VAC14: variants seen among roughly 807,000 people sequenced by gnomAD.
VAC14 encodes protein VAC14 homolog.
Under a neutral mutation model 85.3 loss-of-function variants are expected in VAC14, and 47 were observed. The observed-to-expected ratio is 0.55, with a 90% CI of 0.44 to 0.70. VAC14 has a LOEUF of 0.70. Among genes scored for constraint, VAC14 ranks in the 30% least tolerant of loss-of-function variants. VAC14 has a pLI of 0.00. For missense variants in VAC14, 861 were observed against 1,004.3 expected (o/e 0.86, Z 1.93); for synonymous variants, 447 against 430.5 (o/e 1.04, Z -0.47).
At chr16:70,688,705 G>A (rs1348176263) in intron 18 of VAC14, 11 of 985,466 alleles carry the variant, frequency 1.1e-5, no homozygotes, top group Non-Finnish European at 1.2e-5. Flanking sequence ...CAGTTGCTCT[G>A]TACAGCAACA....
intron 1 of VAC14, among the ~76,000 whole-genome samples, chr16:70,795,841 G>A (rs1442008223): frequency 6.6e-6 from 1 of 152,164 alleles, no homozygotes; most frequent in Non-Finnish European, 1.5e-5. Context: ...TCAAAGCTCA[G>A]GACCACTAGA....
At chr16:70,799,996 T>C (rs2034701413) in intron 1 of VAC14, among the ~76,000 whole-genome samples, 1 of 152,238 alleles carries the variant, frequency 6.6e-6, no homozygotes, top group African/African-American at 2.4e-5. Context: ...ATTCACCTTT[T>C]CTGACTCGCA....
intron 14 of VAC14, 132 bp from the exon 15 acceptor site, chr16:70,698,943 T>C (rs2053767689): frequency 1.8e-6 from 1 of 552,552 alleles, no homozygotes; most frequent in Non-Finnish European, 3.0e-6. Context: ...TGTGGAGCCA[T>C]GACTCTGAGG....
intron 16 of VAC14, 31 bp from the exon 17 acceptor site, chr16:70,695,654 C>T: frequency 6.2e-7 from 1 of 1,606,442 alleles, no homozygotes; most frequent in South Asian, 1.1e-5. Context: ...AGTCTGTCTG[C>T]TGGGCCAGCA....
At chr16:70,767,463 T>C (rs955289409) in intron 10 of VAC14, among the ~76,000 whole-genome samples, 28 of 152,378 alleles carry the variant, frequency 1.8e-4, no homozygotes, top group Non-Finnish European at 5.9e-5. Flanking sequence ...TCTAGAACTT[T>C]CTGCCTGCTT....
chr16:70,771,993 A>G, intron 10 of VAC14, 116 bp downstream of exon 10: 2 of 950,248 alleles, frequency 2.1e-6, no homozygotes, highest in Non-Finnish European at 1.6e-6. Context: ...AGGGTGTCCC[A>G]AAAGCAGCAG....
intron 15 of VAC14, among the ~76,000 whole-genome samples, chr16:70,697,972 G>A (rs2053747680): frequency 7.9e-6 from 1 of 127,052 alleles, no homozygotes; most frequent in African/African-American, 2.8e-5. Context: ...GTCCCCGCAC[G>A]GCCTCTGCAG....
chr16:70,712,090 G>A (rs904060768), intron 14 of VAC14, among the ~76,000 whole-genome samples: 2 of 151,806 alleles, frequency 1.3e-5, no homozygotes, highest in Non-Finnish European at 2.9e-5. Flanking sequence ...ACCCCCTCCC[G>A]GGAGGCTGAA....
At chr16:70,704,772 GT>G in intron 14 of VAC14, among the ~76,000 whole-genome samples, 1 of 152,342 alleles carries the variant, frequency 6.6e-6, no homozygotes. Context: ...CCTTCGCCAG[GT>G]GTCTGTAGGA....
At chr16:70,724,355 C>A (rs1052663941) in intron 14 of VAC14, among the ~76,000 whole-genome samples, 1 of 152,216 alleles carries the variant, frequency 6.6e-6, no homozygotes, top group Non-Finnish European at 1.5e-5. Flanking sequence ...TCTGGGTCAA[C>A]AGGGAACAAC....
At chr16:70,730,592 G>A (rs1377136336) in intron 14 of VAC14, among the ~76,000 whole-genome samples, 1 of 144,018 alleles carries the variant, frequency 6.9e-6, no homozygotes, top group Non-Finnish European at 1.5e-5. Context: ...GGGAGGCCCA[G>A]GCTTTTTTTT....
chr16:70,793,371 G>A (rs2034417124), intron 1 of VAC14, among the ~76,000 whole-genome samples: 1 of 152,180 alleles, frequency 6.6e-6, no homozygotes, highest in South Asian at 2.1e-4. Context: ...ACTGAGTTAA[G>A]TACCATTACA....
intron 10 of VAC14, chr16:70,768,453 T>C (rs2032975750): frequency 5.3e-6 from 1 of 188,404 alleles, no homozygotes; most frequent in Admixed American, 5.6e-5. Flanking sequence ...ACCGGGTTCC[T>C]TCACGTTCCA....
At chr16:70,796,508 G>GA (rs1191154470) in intron 1 of VAC14, among the ~76,000 whole-genome samples, 1 of 152,154 alleles carries the variant, frequency 6.6e-6, no homozygotes, top group African/African-American at 2.4e-5. Flanking sequence ...ATGCAGTGGG[G>GA]ACGTCTTCTG....
chr16:70,689,835 C>G, intron 18 of VAC14: 1 of 985,466 alleles, frequency 1.0e-6, no homozygotes, highest in Non-Finnish European at 1.2e-6. Flanking sequence ...ACCTTGGGAA[C>G]CAGGTGCCAC....
chr16:70,786,448 G>A (rs927516506), intron 1 of VAC14, 83 bp from the exon 2 acceptor site: 13 of 1,544,494 alleles, frequency 8.4e-6, no homozygotes, highest in Non-Finnish European at 1.1e-5. Flanking sequence ...ATGAGGAAGG[G>A]AGATGACCTG....
At chr16:70,690,428 G>A (rs1365647626) in intron 18 of VAC14, 4 of 985,510 alleles carry the variant, frequency 4.1e-6, no homozygotes, top group Non-Finnish European at 1.2e-6. Flanking sequence ...AGTGTGGCAA[G>A]TCCAGGACTC....
In VAC14 at chr16:70,786,245, G is replaced by C; in HGVS notation, c.225C>G (p.Gly75=). 1 of 1,614,238 alleles carries C rather than the reference G, an allele frequency of 6.2e-7. No individual in the cohort carries two copies. Among genetic ancestry groups the C allele is most frequent in the Non-Finnish European group, 8.5e-7 (1 of 1,180,030 alleles). Residue 75 remains glycine, a synonymous_variant, in exon 2 of 19, where the codon GGC becomes GGG. Coordinates refer to ENST00000261776, the MANE Select transcript of VAC14 (RefSeq NM_018052.5). ...CCAGTGCGATGGAGCAGGCGGCCAG[G>C]CCGATGAGGCCCCCTTTCCGGCTGT... ...HPHSRKGGLI[G]LAACSIALGK...
intron 12 of VAC14, among the ~76,000 whole-genome samples, chr16:70,753,011 G>GGTGTGTGTGTGTGTGTGTGTGTGT (rs372860764): frequency 7.0e-6 from 1 of 142,982 alleles, no homozygotes; most frequent in African/African-American, 2.6e-5. Flanking sequence ...AGGAGGAGGG[G>GGTGTGTGTGTGTGTGTGTGTGTGT]GTGTGTGTGT....
Sources: gnomAD v4.1 joint callset for allele counts (sites outside exome capture counted in the v4.1 genomes callset) on GRCh38, gnomAD v4.1.1 for gene constraint, MANE v1.5 for transcripts, NCBI Gene and HGNC (gene_info 2026-07-23, HGNC 2026-07-21) for gene names.